Variants in IVL observed in about 807,000 individuals in gnomAD.
The protein encoded by IVL is involucrin.
For synonymous variants in IVL, 257 were observed against 271.0 expected (o/e 0.95, Z 0.51); for missense variants, 722 against 624.9 (o/e 1.16, Z -1.66).
chr1:152,910,634 G>A lies in IVL; in HGVS notation c.837G>A (p.Gln279=), dbSNP rs1471735871. The change falls in exon 2 of 2, where the codon CAG becomes CAA. Residue 279 remains glutamine, a synonymous_variant. Transcript: ENST00000368764. ...QEGQLEVPEE[Q]MGQLKYLEQQ... is the part of the protein sequence containing the mutation. ...GGCAGCTGGAGGTCCCAGAGGAGCA[G>A]ATGGGGCAGCTGAAGTACCTGGAAC... 1 of 1,551,426 alleles carries A rather than the reference G, an allele frequency of 6.4e-7. No individual in the cohort carries two copies. The highest frequency in any genetic ancestry group is 2.0e-5 in the Admixed American group (1 of 50,974).
chr1:152,910,026 C>CA lies in IVL; in HGVS notation c.231dup (p.Gln78ThrfsTer19), dbSNP rs1160166192. On this transcript the variant is annotated frameshift_variant, in exon 2 of 2. Transcript: ENST00000368764. LOFTEE classifies it low-confidence loss of function (END_TRUNC). ...GGGACTGCCTGAGCAAGAATGTGAGCAACAGCAGAAGGAGCCACAGGAGCA... is the reference window on the plus strand; with the variant it reads ...GGGACTGCCTGAGCAAGAATGTGAGCAAACAGCAGAAGGAGCCACAGGAGCA... The CA allele has an allele frequency of 2.5e-6, 4 of 1,614,028 alleles. No individual in the cohort carries two copies. In the Middle Eastern group the frequency reaches 4.9e-4, roughly 199 times the overall value.
chr1:152,909,786 G>A lies in IVL; in HGVS notation c.-12G>A, dbSNP rs748273830. 6.2e-7 allele frequency: 1 copy of A among 1,601,902 alleles called. No individual in the cohort carries two copies. The highest frequency in any genetic ancestry group is 1.1e-5 in the South Asian group (1 of 89,258). On this transcript the variant is annotated 5_prime_UTR_variant, in exon 2 of 2. Coordinates refer to ENST00000368764, the MANE Select transcript of IVL (RefSeq NM_005547.4). ...ACCTCTTCTGTCTTTCAGGTTGACA[G>A]TAGCTTCTAAGATGTCCCAGCAACA...
rs1235219856 is a variant in IVL at position 152,911,435 on chromosome 1, C to T, written c.1638C>T (p.Ala546=). 1.9e-6 allele frequency: 3 copies of T among 1,614,160 alleles called. No homozygotes were observed. The highest frequency in any genetic ancestry group is 2.5e-6 in the Non-Finnish European group (3 of 1,180,016). The change falls in exon 2 of 2, where the codon GCC becomes GCT. Residue 546 remains alanine, a synonymous_variant. Coordinates refer to ENST00000368764, the MANE Select transcript of IVL (RefSeq NM_005547.4). ...QKGQLEQPVF[A]PAPGQVQDIQ... ...GGCAGCTGGAGCAGCCTGTGTTTGC[C>T]CCAGCTCCAGGCCAGGTCCAAGACA...
Position 152,911,291 on chromosome 1 carries a change from A to G in IVL, c.1494A>G (p.Gly498=), listed in dbSNP as rs776644651. 1.9e-6 allele frequency: 3 copies of G among 1,563,584 alleles called. 1 individual carries two copies. The highest frequency in any genetic ancestry group is 2.3e-5 in the South Asian group (2 of 85,586). Residue 498 remains glycine, a synonymous_variant, in exon 2 of 2, where the codon GGA becomes GGG. Transcript: ENST00000368764. ...TGGAGCTCCCAGAGCAGCAGGTAGG[A>G]CAGCCAAAGCACCTGGAACAGCAGG... ...AQLELPEQQV[G]QPKHLEQQEK...
chr1:152,911,069 G>A lies in IVL; in HGVS notation c.1272G>A (p.Glu424=). Residue 424 remains glutamate, a synonymous_variant, in exon 2 of 2, where the codon GAG becomes GAA. Transcript: ENST00000368764. ...EQQERQVEHL[E]QQVGQLKHLE... The stretch of plus-strand genomic sequence containing the variant: ...AGGAGAGGCAGGTGGAGCACCTGGA[G>A]CAGCAGGTGGGGCAGCTGAAGCACC... The A allele has an allele frequency of 3.9e-6, 6 of 1,551,464 alleles. No individual in the cohort carries two copies. The highest frequency in any genetic ancestry group is 5.2e-6 in the Non-Finnish European group (6 of 1,146,968).
At position 152,911,752 on chromosome 1, in the gene IVL, C is replaced by T; in HGVS notation, c.*197C>T. ...CAGTGCCAACCCCAATGACCCCAAT[C>T]CCAACCTCAGGTGAGCAGAGCCTCT... On this transcript the variant is annotated 3_prime_UTR_variant, in exon 2 of 2. Transcript: ENST00000368764. 1.7e-6 allele frequency: 1 copy of T among 603,384 alleles called. No homozygotes were observed. Among genetic ancestry groups the T allele is most frequent in the Non-Finnish European group, 3.0e-6 (1 of 338,368 alleles). The allele number at this position is 603,384 out of a possible 1,614,324, so 37.4% of individuals were successfully genotyped here.
chr1:152,909,742 C>T (rs1649882404), intron 1 of IVL, 37 bp from the exon 2 acceptor site: 1 of 1,512,340 alleles, frequency 6.6e-7, no homozygotes, highest in Non-Finnish European at 9.0e-7. Flanking sequence ...ATTTCCTTTG[C>T]CTTCAGCCTG....
chr1:152,910,693 A>G lies in IVL; in HGVS notation c.896A>G (p.Gln299Arg). The G allele has an allele frequency of 3.2e-6, 5 of 1,549,588 alleles. No individual in the cohort carries two copies. The highest frequency in any genetic ancestry group is 4.4e-6 in the Non-Finnish European group (5 of 1,146,066). The change falls in exon 2 of 2, where the codon CAG becomes CGG. Residue 299 changes from glutamine to arginine, a missense_variant. By Grantham distance (43) the Gln-to-Arg change is conservative. Transcript: ENST00000368764. ...GGGCAGCTGAAGCACCTGGATCAGC[A>G]GGAGAAGCAGCCAGAGCTCCCAGAG... is the stretch of plus-strand genomic sequence containing the variant. ...QEGQLKHLDQ[Q>R]EKQPELPEQQ...
intron 1 of IVL, 135 bp from the exon 2 acceptor site, chr1:152,909,644 G>T (rs1244177180): frequency 4.5e-6 from 3 of 666,528 alleles, no homozygotes; most frequent in African/African-American, 3.6e-5. Flanking sequence ...GGAAATGATA[G>T]TCCAGAGGTG....
At position 152,910,289 on chromosome 1, in the gene IVL, G is replaced by A. The variant is rs114448437; in HGVS notation, c.492G>A (p.Lys164=). The change falls in exon 2 of 2, where the codon AAG becomes AAA. Residue 164 remains lysine (K), a synonymous_variant. Coordinates refer to ENST00000368764, the MANE Select transcript of IVL (RefSeq NM_005547.4). ...ELPEQQEGHL[K]HLEQQEGQLK... is the part of the protein sequence containing the mutation. The stretch of plus-strand genomic sequence containing the variant: ...CAGAGCAGCAGGAGGGGCACCTGAA[G>A]CACCTAGAGCAGCAGGAGGGACAGC... 1.3e-3 allele frequency: 2,155 copies of A among 1,609,850 alleles called. 29 individuals carry two copies. In the African/African-American group the frequency reaches 0.025, roughly 19 times the overall value.
At position 152,909,789 on chromosome 1, in the gene IVL, G is replaced by A. The variant is rs770970049; in HGVS notation, c.-9G>A. On this transcript the variant is annotated 5_prime_UTR_variant, in exon 2 of 2. Coordinates refer to ENST00000368764, the MANE Select transcript of IVL (RefSeq NM_005547.4). ...TCTTCTGTCTTTCAGGTTGACAGTA[G>A]CTTCTAAGATGTCCCAGCAACACAC... 1.2e-5 allele frequency: 19 copies of A among 1,602,918 alleles called. No homozygotes were observed. In the South Asian group the frequency reaches 1.9e-4, roughly 16 times the overall value.
chr1:152,909,753 T>C, intron 1 of IVL, 26 bp from the exon 2 acceptor site: 1 of 1,550,568 alleles, frequency 6.4e-7, no homozygotes, highest in Non-Finnish European at 8.7e-7. Flanking sequence ...CTTCAGCCTG[T>C]GCATCAGACC....
Position 152,911,339 on chromosome 1 carries a change from G to A in IVL, c.1542G>A (p.Glu514=), listed in dbSNP as rs1649989694. 2 of 1,597,080 alleles carry A rather than the reference G, an allele frequency of 1.3e-6. No homozygotes were observed. The highest frequency in any genetic ancestry group is 1.3e-5 in the African/African-American group (1 of 74,388). Residue 514 remains glutamate (E), a synonymous_variant, in exon 2 of 2, where the codon GAG becomes GAA. Coordinates refer to ENST00000368764, the MANE Select transcript of IVL (RefSeq NM_005547.4). ...EQQEKHLEHP[E]QQDGQLKHLE... is the part of the protein sequence containing the mutation. ...AGGAAAAGCACCTAGAGCACCCAGAGCAGCAGGACGGACAACTAAAACATC... is the reference window on the plus strand; with the variant it reads ...AGGAAAAGCACCTAGAGCACCCAGAACAGCAGGACGGACAACTAAAACATC...
At position 152,911,562 on chromosome 1, in the gene IVL, G is replaced by C. The variant is rs781508827; in HGVS notation, c.*7G>C. The C allele has an allele frequency of 7.5e-6, 12 of 1,602,018 alleles. No individual in the cohort carries two copies. The highest frequency in any genetic ancestry group is 3.4e-4 in the Middle Eastern group (2 of 5,906). ...GCCACCCAAACATAAATAACCACCC[G>C]CAGTGTCCAGAGGCCCTCAGATCGT... On this transcript the variant is annotated 3_prime_UTR_variant, in exon 2 of 2. Coordinates refer to ENST00000368764, the MANE Select transcript of IVL (RefSeq NM_005547.4).
rs17855670 is a variant in IVL at position 152,910,503 on chromosome 1, C to G, written c.706C>G (p.Pro236Ala). The G allele has an allele frequency of 1.1e-6, 1 of 951,120 alleles. No individual in the cohort carries two copies. Among genetic ancestry groups the G allele is most frequent in the African/African-American group, 2.6e-5 (1 of 38,526 alleles). The allele number at this position is 951,120 out of a possible 1,614,324, so 58.9% of individuals were successfully genotyped here. A position where few individuals can be genotyped will look rare whatever the true frequency, so the allele number is the denominator to read the frequency against. Reference sequence around the variant, plus strand: ...GCAGCAGGAGGGGCAGCTGGAGCTCCCACAGCAGCAGGAGGGGCAGCTGGA... The same window carrying G: ...GCAGCAGGAGGGGCAGCTGGAGCTCGCACAGCAGCAGGAGGGGCAGCTGGA... ...PEQQEGQLEL[P>A]QQQEGQLELS... The change falls in exon 2 of 2, where the codon CCA becomes GCA. Residue 236 changes from proline to alanine, a missense_variant. Transcript: ENST00000368764.
In IVL at chr1:152,911,609, C is replaced by G. The variant is rs1650003235; in HGVS notation, c.*54C>G. 6 of 1,501,394 alleles carry G rather than the reference C, an allele frequency of 4.0e-6. No homozygotes were observed. The highest frequency in any genetic ancestry group is 5.4e-6 in the Non-Finnish European group (6 of 1,114,430). 93.0% of individuals were successfully genotyped at this position (1,501,394 alleles called of 1,614,324 possible). On this transcript the variant is annotated 3_prime_UTR_variant, in exon 2 of 2. Coordinates refer to ENST00000368764, the MANE Select transcript of IVL (RefSeq NM_005547.4). ...TCGTCTCATACAAGGGAAGAGAGAG[C>G]CACTGGCTCCACTTATTTCGGGTCC...
Position 152,910,352 on chromosome 1 carries a change from C to T in IVL, c.555C>T (p.Leu185=). The T allele has an allele frequency of 6.5e-7, 1 of 1,535,346 alleles. No individual in the cohort carries two copies. The highest frequency in any genetic ancestry group is 8.8e-7 in the Non-Finnish European group (1 of 1,137,892). ...HPEQQEGQLE[L]PEQQEGQLEL... ...AGCAGCAGGAGGGGCAGCTGGAGCT[C>T]CCAGAGCAGCAGGAGGGGCAGCTGG... is the stretch of plus-strand genomic sequence containing the variant. The change falls in exon 2 of 2, where the codon CTC becomes CTT. Residue 185 remains leucine, a synonymous_variant. Coordinates refer to ENST00000368764, the MANE Select transcript of IVL (RefSeq NM_005547.4).
Position 152,910,871 on chromosome 1 carries a change from C to A in IVL, c.1074C>A (p.His358Gln). ...QQEGQLEHLE[H>Q]QEGQLGLPEQ... The stretch of plus-strand genomic sequence containing the variant: ...AGGGGCAGCTGGAGCACCTGGAGCA[C>A]CAGGAAGGGCAGCTGGGGCTCCCAG... The change falls in exon 2 of 2, where the codon CAC becomes CAA. Residue 358 changes from histidine to glutamine, a missense_variant. Physicochemically the swap from His to Gln is conservative, Grantham distance 24. Coordinates refer to ENST00000368764, the MANE Select transcript of IVL (RefSeq NM_005547.4). The A allele has an allele frequency of 6.6e-6, 9 of 1,355,470 alleles. No individual in the cohort carries two copies. The highest frequency in any genetic ancestry group is 2.9e-5 in the Admixed American group (1 of 33,990). The allele number at this position is 1,355,470 out of a possible 1,614,324, so 84.0% of individuals were successfully genotyped here.
chr1:152,911,864 A>C lies in IVL; in HGVS notation c.*309A>C. 9.6e-6 allele frequency: 3 copies of C among 312,990 alleles called. No homozygotes were observed. The highest frequency in any genetic ancestry group is 6.0e-5 in the East Asian group (1 of 16,592). The allele number at this position is 312,990 out of a possible 1,614,324, so 19.4% of individuals were successfully genotyped here. A position where few individuals can be genotyped will look rare whatever the true frequency, so the allele number is the denominator to read the frequency against. On this transcript the variant is annotated 3_prime_UTR_variant, in exon 2 of 2. Transcript: ENST00000368764. ...GAGTGTGTACAATGATACATAATAA[A>C]TCCTGGAAGTCTTGGGATCCTATAT...
Sources: allele counts gnomAD v4.1 joint callset, GRCh38; gene constraint gnomAD v4.1.1; transcripts MANE v1.5; gene names NCBI Gene and HGNC (gene_info 2026-07-23, HGNC 2026-07-21).